Variants in ANGPTL8 observed in about 807,000 individuals in gnomAD.
The protein encoded by ANGPTL8 is angiopoietin like 8.
Under a neutral mutation model 22.6 loss-of-function variants are expected in ANGPTL8, and 24 were observed. The ratio of observed to expected loss-of-function variants is 1.06; its 90% CI spans 0.77 to 1.49. The LOEUF (loss-of-function observed/expected upper bound fraction) is 1.49. Ranked by LOEUF, ANGPTL8 falls within the 40% of genes most tolerant of loss-of-function variation. The probability of loss-of-function intolerance (pLI) is 0.00; values close to 1 mark genes in which losing one functional copy is unlikely to be tolerated. For missense variants in ANGPTL8, 230 were observed against 259.6 expected (o/e 0.89, Z 0.78); for synonymous variants, 88 against 113.4 (o/e 0.78, Z 1.42).
chr19:11,241,667 A>C lies in ANGPTL8; in HGVS notation c.577A>C (p.Thr193Pro), dbSNP rs1270735228. Residue 193 changes from threonine to proline, a missense_variant, in exon 4 of 4, where the codon ACA (threonine) becomes CCA (proline). Thr to Pro is a conservative substitution (Grantham distance 38). Coordinates refer to ENST00000252453, the MANE Select transcript of ANGPTL8 (RefSeq NM_018687.7). The part of the protein sequence containing the change: ...RLRQIQERLH[T>P]AALPA ...CCACATCTCCCTCCCCAGACTCCAC[A>C]CAGCGGCGCTCCCAGCCTGAATCTG... 6.3e-7 allele frequency: 1 copy of C among 1,581,986 alleles called. No homozygotes were observed. The highest frequency in any genetic ancestry group is 8.6e-7 in the Non-Finnish European group (1 of 1,164,946).
chr19:11,241,394 G>A (rs1462075073), intron 2 of ANGPTL8, 51 bp from the exon 3 acceptor site: 4 of 1,191,068 alleles, frequency 3.4e-6, no homozygotes, highest in Non-Finnish European at 4.9e-6. Flanking sequence ...AGGGTCAGGG[G>A]ATGGGAGGTG....
Position 11,239,938 on chromosome 19 carries a change from G to A in ANGPTL8, c.297+4G>A, listed in dbSNP as rs2079915615. On this transcript the variant is annotated splice_donor_region_variant and intron_variant, in intron 1 of 3. Coordinates refer to ENST00000252453, the MANE Select transcript of ANGPTL8 (RefSeq NM_018687.7). Reference sequence around the variant, plus strand: ...GGCAAGCCTGTTGGAGACTCAGGTGGGCACCGTAGCTGCGACACTGTGGGG... The same window carrying A: ...GGCAAGCCTGTTGGAGACTCAGGTGAGCACCGTAGCTGCGACACTGTGGGG... 7 of 1,577,994 alleles carry A rather than the reference G, an allele frequency of 4.4e-6. No homozygotes were observed. Among genetic ancestry groups the A allele is most frequent in the Non-Finnish European group, 6.0e-6 (7 of 1,162,056 alleles).
At chr19:11,241,348 G>T in intron 2 of ANGPTL8, 97 bp from the exon 3 acceptor site, 1 of 749,176 alleles carries the variant, frequency 1.3e-6, no homozygotes, top group South Asian at 1.6e-5. Context: ...TTGTTGACTT[G>T]CTGGGTCACA....
Position 11,241,537 on chromosome 19 carries a change from G to A in ANGPTL8, c.552G>A (p.Leu184=). The part of the protein sequence containing the change: ...RREMVAQQHR[L]RQIQERLHTA... ...AGATGGTGGCACAGCAGCATCGGCT[G>A]CGACAGATCCAGGAGAGGTGAGCCT... The change falls in exon 3 of 4, where the codon CTG becomes CTA. Residue 184 remains leucine (L), a synonymous_variant. Coordinates refer to ENST00000252453, the MANE Select transcript of ANGPTL8 (RefSeq NM_018687.7). The A allele has an allele frequency of 6.4e-7, 1 of 1,553,144 alleles. No homozygotes were observed. Among genetic ancestry groups the A allele is most frequent in the Non-Finnish European group, 8.7e-7 (1 of 1,147,866 alleles).
rs758949346 is a variant in ANGPTL8, at chr19:11,240,143, G to A, written c.306G>A (p.Glu102=). The A allele has an allele frequency of 3.9e-6, 6 of 1,551,564 alleles. No homozygotes were observed. The Admixed American group carries it at 7.9e-5, about 20-fold the overall frequency. The change falls in exon 2 of 4, where the codon GAG becomes GAA. Residue 102 remains glutamate (E), a synonymous_variant. Coordinates refer to ENST00000252453, the MANE Select transcript of ANGPTL8 (RefSeq NM_018687.7). ...CACTGTTTATTAAGCAGATGGAGGA[G>A]GATATTCTGCAGCTGCAGGCAGAGG... ...RASLLETQME[E]DILQLQAEAT...
Position 11,241,497 on chromosome 19 carries a change from A to G in ANGPTL8, c.512A>G (p.Gln171Arg), listed in dbSNP as rs1455773641. 1 of 1,553,646 alleles carries G rather than the reference A, an allele frequency of 6.4e-7. No individual in the cohort carries two copies. Among genetic ancestry groups the G allele is most frequent in the Non-Finnish European group, 8.7e-7 (1 of 1,148,220 alleles). ...HILWALTGHV[Q>R]RQRREMVAQQ... ...CTATGGGCCCTCACAGGCCACGTGC[A>G]GCGGCAGAGGCGGGAGATGGTGGCA... Residue 171 changes from glutamine (Q) to arginine (R), a missense_variant, in exon 3 of 4, where the codon CAG (glutamine) becomes CGG (arginine). Physicochemically the swap from Gln to Arg is conservative, Grantham distance 43 (BLOSUM62 1). Coordinates refer to ENST00000252453, the MANE Select transcript of ANGPTL8 (RefSeq NM_018687.7).
chr19:11,241,227 A>G lies in ANGPTL8; in HGVS notation c.460-218A>G, dbSNP rs115762114. 5.9e-3 allele frequency among the ~76,000 whole-genome samples: 896 copies of G among 151,254 alleles called. 9 individuals are homozygous for G. The highest frequency in any genetic ancestry group is 0.021 in the African/African-American group (871 of 40,930). ...TGTCATTGCACTCAGCCTGGGTGAC[A>G]GAGAGAGACTCAAAAAAAAAAAAAA... On this transcript the variant is annotated intron_variant, in intron 2 of 3. Coordinates refer to ENST00000252453, the MANE Select transcript of ANGPTL8 (RefSeq NM_018687.7).
rs761644691 is a variant in ANGPTL8 at position 11,239,847 on chromosome 19, T to G, written c.210T>G (p.Tyr70Ter). Residue 70 changes from tyrosine (Y) to a stop codon, truncating the protein, a stop_gained, in exon 1 of 4, where the codon TAT becomes TAG. Transcript: ENST00000252453. LOFTEE classifies it high-confidence loss of function. Reference sequence around the variant, plus strand: ...AGGCCAGGAACAGCCTGGGTCTCTATGGCCGCACAATAGAACTCCTGGGGC... The same window carrying G: ...AGGCCAGGAACAGCCTGGGTCTCTAGGGCCGCACAATAGAACTCCTGGGGC... ...LTKARNSLGL[Y>*]GRTIELLGQE... The G allele has an allele frequency of 6.2e-7, 1 of 1,600,772 alleles. No individual in the cohort carries two copies. The highest frequency in any genetic ancestry group is 8.5e-7 in the Non-Finnish European group (1 of 1,174,040).
rs1158627044 is a variant in ANGPTL8 at position 11,239,751 on chromosome 19, CT to C, written c.116del (p.Phe39SerfsTer22). 4.3e-6 allele frequency: 7 copies of C among 1,612,726 alleles called. No homozygotes were observed. Among genetic ancestry groups the C allele is most frequent in the African/African-American group, 2.7e-5 (2 of 74,940 alleles). On this transcript the variant is annotated frameshift_variant, in exon 1 of 4. Coordinates refer to ENST00000252453, the MANE Select transcript of ANGPTL8 (RefSeq NM_018687.7). LOFTEE classifies it high-confidence loss of function. ...LAQHEELTLL[F>X]HGTLQLGQAL... ...CACAGCATGAGGAGCTGACCCTGCTCTTCCATGGGACCCTGCAGCTGGGCCA... is the reference window on the plus strand; with the variant it reads ...CACAGCATGAGGAGCTGACCCTGCTCTCCATGGGACCCTGCAGCTGGGCCA...
rs1413635493 is a variant in ANGPTL8 at position 11,239,912 on chromosome 19, G to A, written c.275G>A (p.Arg92Gln). The change falls in exon 1 of 4, where the codon CGG (arginine) becomes CAG (glutamine). Residue 92 changes from arginine (R) to glutamine (Q), a missense_variant. Arg to Gln is a conservative substitution (Grantham distance 43). Coordinates refer to ENST00000252453, the MANE Select transcript of ANGPTL8 (RefSeq NM_018687.7). ...SRGRDAAQEL[R>Q]ASLLETQMEE... ...GGCCGGGATGCAGCCCAGGAACTTCGGGCAAGCCTGTTGGAGACTCAGGTG... is the reference window on the plus strand; with the variant it reads ...GGCCGGGATGCAGCCCAGGAACTTCAGGCAAGCCTGTTGGAGACTCAGGTG... 2 of 1,587,734 alleles carry A rather than the reference G, an allele frequency of 1.3e-6. No individual in the cohort carries two copies. Among genetic ancestry groups the A allele is most frequent in the Admixed American group, 1.8e-5 (1 of 55,328 alleles).
In ANGPTL8 at chr19:11,240,287, G is replaced by T. The variant is rs2147842531; in HGVS notation, c.450G>T (p.Glu150Asp). The T allele has an allele frequency of 6.3e-7, 1 of 1,575,786 alleles. No individual in the cohort carries two copies. Residue 150 changes from glutamate to aspartate, a missense_variant, in exon 2 of 4, where the codon GAG becomes GAT. Physicochemically the swap from Glu to Asp is conservative, Grantham distance 45 (BLOSUM62 2). Transcript: ENST00000252453. ...AWLGPAYREF[E>D]VLKAHADKQS... is the part of the protein sequence containing the mutation. The stretch of plus-strand genomic sequence containing the variant: ...TGGGCCCTGCCTACCGAGAATTTGA[G>T]GTCTTAAAGGTAAGGAGCTCCCCCA...
rs1275896091 is a variant in ANGPTL8 at position 11,241,870 on chromosome 19, G to C, written c.*183G>C. On this transcript the variant is annotated 3_prime_UTR_variant, in exon 4 of 4. Coordinates refer to ENST00000252453, the MANE Select transcript of ANGPTL8 (RefSeq NM_018687.7). The stretch of plus-strand genomic sequence containing the variant: ...AAAGGCAGAGGATGTAGCCCCATTG[G>C]GGAGGGGTGGAGGAAGGACATGTAC... The C allele has an allele frequency of 7.9e-7, 1 of 1,268,722 alleles. No individual in the cohort carries two copies. Among genetic ancestry groups the C allele is most frequent in the African/African-American group, 1.5e-5 (1 of 67,640 alleles). The allele number at this position is 1,268,722 out of a possible 1,614,324, so 78.6% of individuals were successfully genotyped here. A position where few individuals can be genotyped will look rare whatever the true frequency, so the allele number is the denominator to read the frequency against.
chr19:11,241,629 C>T, intron 3 of ANGPTL8, 31 bp from the exon 4 acceptor site: 1 of 1,566,158 alleles, frequency 6.4e-7, no homozygotes, highest in East Asian at 2.4e-5. Context: ...GGGGCCCCCT[C>T]ACCTGGGCTG....
chr19:11,241,566 AG>A lies in ANGPTL8; in HGVS notation c.569+16del. On this transcript the variant is annotated intron_variant, in intron 3 of 3. Transcript: ENST00000252453. ...CAGATCCAGGAGAGGTGAGCCTGGC[AG>A]GGGTTTGGCAGGCAGGGCAGTTGGA... 1 of 1,554,342 alleles carries A rather than the reference AG, an allele frequency of 6.4e-7. No individual in the cohort carries two copies. Among genetic ancestry groups the A allele is most frequent in the South Asian group, 1.2e-5 (1 of 84,212 alleles).
chr19:11,240,771 T>C (rs1376461938), intron 2 of ANGPTL8, among the ~76,000 whole-genome samples: 1 of 151,822 alleles, frequency 6.6e-6, no homozygotes, highest in East Asian at 2.0e-4. Context: ...GATTTCACCA[T>C]GTTGGCCAGG....
chr19:11,241,724 A>T lies in ANGPTL8; in HGVS notation c.*37A>T, dbSNP rs2079948297. ...TGGAACTGAGGACCAATCATGCTGC[A>T]AGGAACACTTCCACGCCCCGTGAGG... On this transcript the variant is annotated 3_prime_UTR_variant, in exon 4 of 4. Coordinates refer to ENST00000252453, the MANE Select transcript of ANGPTL8 (RefSeq NM_018687.7). The T allele has an allele frequency of 6.4e-7, 1 of 1,571,468 alleles. No individual in the cohort carries two copies.
Position 11,239,779 on chromosome 19 carries a change from G to A in ANGPTL8, c.142G>A (p.Ala48Thr). The A allele has an allele frequency of 6.2e-7, 1 of 1,610,188 alleles. No homozygotes were observed. Among genetic ancestry groups the A allele is most frequent in the Non-Finnish European group, 8.5e-7 (1 of 1,178,468 alleles). The change falls in exon 1 of 4, where the codon GCC (alanine) becomes ACC (threonine). Residue 48 changes from alanine to threonine, a missense_variant. Ala to Thr is a moderately conservative substitution (Grantham distance 58, BLOSUM62 0). Transcript: ENST00000252453. ...CCATGGGACCCTGCAGCTGGGCCAGGCCCTCAACGGTGTGTACAGGACCAC... is the reference window on the plus strand; with the variant it reads ...CCATGGGACCCTGCAGCTGGGCCAGACCCTCAACGGTGTGTACAGGACCAC... ...LFHGTLQLGQ[A>T]LNGVYRTTEG...
Position 11,240,212 on chromosome 19 carries a change from G to A in ANGPTL8, c.375G>A (p.Val125=), listed in dbSNP as rs1349872729. ...VLGEVAQAQK[V]LRDSVQRLEV... ...GGGAGGTGGCCCAGGCACAGAAGGT[G>A]CTACGGGACAGCGTGCAGCGGCTAG... The change falls in exon 2 of 4, where the codon GTG becomes GTA. Residue 125 remains valine (V), a synonymous_variant. Coordinates refer to ENST00000252453, the MANE Select transcript of ANGPTL8 (RefSeq NM_018687.7). The A allele has an allele frequency of 6.4e-7, 1 of 1,564,498 alleles. No individual in the cohort carries two copies. Among genetic ancestry groups the A allele is most frequent in the Non-Finnish European group, 8.7e-7 (1 of 1,154,598 alleles).
At chr19:11,241,607 G>C in intron 3 of ANGPTL8, 53 bp downstream of exon 3, 1 of 1,559,280 alleles carries the variant, frequency 6.4e-7, no homozygotes, top group Non-Finnish European at 8.7e-7. Context: ...GGGCGCACAG[G>C]GCAGCTGGAA....
Sources: gnomAD v4.1 joint callset for allele counts (sites outside exome capture counted in the v4.1 genomes callset) on GRCh38, gnomAD v4.1.1 for gene constraint, MANE v1.5 for transcripts, NCBI Gene and HGNC (gene_info 2026-07-23, HGNC 2026-07-21) for gene names.